EPHB1: variants seen among roughly 807,000 people sequenced by gnomAD.
The protein encoded by EPHB1 is EPH receptor B1.
In EPHB1, 30 loss-of-function variants were observed where a neutral mutation model predicts 94.4. The observed-to-expected ratio is 0.32, with a 90% CI of 0.24 to 0.43. The LOEUF (loss-of-function observed/expected upper bound fraction) is 0.43, where lower values mean the gene tolerates loss of function less well. EPHB1 is among the 20% of genes least tolerant of loss of function. EPHB1 has a pLI of 1.00. For synonymous variants in EPHB1, 522 were observed against 489.1 expected (o/e 1.07, Z -0.89); for missense variants, 1,055 against 1,308.3 (o/e 0.81, Z 2.99).
intron 3 of EPHB1, among the ~76,000 whole-genome samples, chr3:134,982,709 G>A (rs74840272): frequency 4.3e-4 from 66 of 152,194 alleles, no homozygotes; most frequent in African/African-American, 1.3e-3. Flanking sequence ...ATCACAGCTC[G>A]AAGAAACTGG....
chr3:135,018,974 T>C lies in EPHB1; in HGVS notation c.805+66922T>C, dbSNP rs1935898899. On this transcript the variant is annotated intron_variant, in intron 3 of 15. Coordinates refer to ENST00000398015, the MANE Select transcript of EPHB1 (RefSeq NM_004441.5). ...GCTGAGGCTGTGCCTTGGAGAGGCA[T>C]GAGGCAGAGAGGACAGGGGAGAGAG... 2.0e-5 allele frequency among the ~76,000 whole-genome samples: 3 copies of C among 151,752 alleles called. 1 individual carries two copies. The highest frequency in any genetic ancestry group is 4.4e-4 in the South Asian group (2 of 4,546).
chr3:134,967,116 A>T (rs1204118523), intron 3 of EPHB1, among the ~76,000 whole-genome samples: 1 of 152,220 alleles, frequency 6.6e-6, no homozygotes, highest in Non-Finnish European at 1.5e-5. Context: ...TCCTCTAGAG[A>T]TGCATTTTCT....
chr3:135,031,039 C>G (rs1292621770), intron 3 of EPHB1, among the ~76,000 whole-genome samples: 1 of 152,180 alleles, frequency 6.6e-6, no homozygotes, highest in African/African-American at 2.4e-5. Flanking sequence ...CTCCCTGACC[C>G]CTTGCGCTTC....
intron 13 of EPHB1, among the ~76,000 whole-genome samples, chr3:135,246,143 G>A (rs780882011): frequency 4.6e-5 from 7 of 152,120 alleles, no homozygotes; most frequent in Non-Finnish European, 1.0e-4. Context: ...GGACCACCAG[G>A]AACATTAACT....
rs3772645 is a variant in EPHB1, at chr3:135,149,592, G to A, written c.1298-4560G>A. Reference sequence around the variant, plus strand: ...AAGAGGTGACATTTGCCCTTGGAGAGGGAAAAACCAAATTCATCACTGCAG... The same window carrying A: ...AAGAGGTGACATTTGCCCTTGGAGAAGGAAAAACCAAATTCATCACTGCAG... On this transcript the variant is annotated intron_variant, in intron 5 of 15. Coordinates refer to ENST00000398015, the MANE Select transcript of EPHB1 (RefSeq NM_004441.5). Among the ~76,000 whole-genome samples the A allele has an allele frequency of 2.5e-4, 38 of 152,322 alleles. 1 individual carries two copies. In the East Asian group the frequency reaches 7.3e-3, roughly 29 times the overall value.
intron 3 of EPHB1, among the ~76,000 whole-genome samples, chr3:135,087,411 G>A (rs1359868521): frequency 6.6e-6 from 1 of 152,098 alleles, no homozygotes; most frequent in African/African-American, 2.4e-5. Flanking sequence ...TGTTACATGT[G>A]GAAATGGTAA....
intron 1 of EPHB1, among the ~76,000 whole-genome samples, chr3:134,880,714 G>T (rs905277276): frequency 6.6e-6 from 1 of 152,224 alleles, no homozygotes; most frequent in African/African-American, 2.4e-5. Flanking sequence ...GCCAATGCTT[G>T]GGCAGAGCGG....
intron 1 of EPHB1, among the ~76,000 whole-genome samples, chr3:134,872,560 T>C (rs1380414351): frequency 6.6e-6 from 1 of 152,172 alleles, no homozygotes; most frequent in African/African-American, 2.4e-5. Context: ...TTCCAATAAA[T>C]AAAGCAAAGC....
intron 1 of EPHB1, among the ~76,000 whole-genome samples, chr3:134,836,092 G>C (rs1482783709): frequency 6.6e-6 from 1 of 152,200 alleles, no homozygotes; most frequent in Non-Finnish European, 1.5e-5. Context: ...GAGAGGGAGA[G>C]GATGGGCCCT....
At chr3:135,132,312 TC>T (rs1315888977) in intron 4 of EPHB1, among the ~76,000 whole-genome samples, 1 of 136,746 alleles carries the variant, frequency 7.3e-6, no homozygotes, top group African/African-American at 3.4e-5. Context: ...CTCATATCCT[TC>T]TACCCTTGAG....
In EPHB1 at chr3:134,803,280, TG is replaced by T. The variant is rs200200477; in HGVS notation, c.58+7592del. On this transcript the variant is annotated intron_variant, in intron 1 of 15. Coordinates refer to ENST00000398015, the MANE Select transcript of EPHB1 (RefSeq NM_004441.5). ...CTGTTTGAATTTAACCTCCTTGCTC[TG>T]CTTCTCCATTTCCCTGTGAAGGTGA... Among the ~76,000 whole-genome samples, 42 of 152,338 alleles carry T rather than the reference TG, an allele frequency of 2.8e-4. No individual in the cohort carries two copies. In the East Asian group the frequency reaches 7.9e-3, roughly 29 times the overall value.
intron 12 of EPHB1, among the ~76,000 whole-genome samples, chr3:135,233,248 A>G (rs1943573799): frequency 6.6e-6 from 1 of 152,260 alleles, no homozygotes; most frequent in Non-Finnish European, 1.5e-5. Context: ...CTTCCTAGTT[A>G]CAATGGGGGT....
At chr3:134,814,532 A>G (rs2036232264) in intron 1 of EPHB1, among the ~76,000 whole-genome samples, 3 of 152,250 alleles carry the variant, frequency 2.0e-5, no homozygotes, top group Admixed American at 2.0e-4. Context: ...GGAGGTACCT[A>G]TTGAAGGTAT....
chr3:134,949,011 T>G (rs569460870), intron 2 of EPHB1, among the ~76,000 whole-genome samples: 3 of 152,182 alleles, frequency 2.0e-5, no homozygotes, highest in Non-Finnish European at 2.9e-5. Flanking sequence ...GGGATGTTAG[T>G]CTTTGGCATT....
chr3:134,799,246 A>C (rs2035889604), intron 1 of EPHB1, among the ~76,000 whole-genome samples: 1 of 152,222 alleles, frequency 6.6e-6, no homozygotes, highest in Non-Finnish European at 1.5e-5. Flanking sequence ...CGTGTCTTCA[A>C]CAGGCCACAA....
At chr3:134,888,339 G>T (rs1040138445) in intron 1 of EPHB1, among the ~76,000 whole-genome samples, 1 of 152,204 alleles carries the variant, frequency 6.6e-6, no homozygotes, top group African/African-American at 2.4e-5. Context: ...GATTCCTGTA[G>T]GGCAGCTGAG....
chr3:135,011,458 T>C (rs1407566095), intron 3 of EPHB1, among the ~76,000 whole-genome samples: 1 of 152,212 alleles, frequency 6.6e-6, no homozygotes. Context: ...TTTTCTGTTA[T>C]ATTTGTTGGT....
At chr3:134,943,757 T>C (rs2039165557) in intron 2 of EPHB1, among the ~76,000 whole-genome samples, 1 of 152,150 alleles carries the variant, frequency 6.6e-6, no homozygotes. Context: ...TTTGATTGAA[T>C]GAATGATTGG....
intron 3 of EPHB1, among the ~76,000 whole-genome samples, chr3:134,975,328 G>A (rs1934142487): frequency 6.6e-6 from 1 of 152,158 alleles, no homozygotes; most frequent in Non-Finnish European, 1.5e-5. Context: ...GCAGGGCAGG[G>A]GATGCAGAAC....
Sources: gnomAD v4.1 joint callset for allele counts (sites outside exome capture counted in the v4.1 genomes callset) on GRCh38, gnomAD v4.1.1 for gene constraint, MANE v1.5 for transcripts, NCBI Gene and HGNC (gene_info 2026-07-23, HGNC 2026-07-21) for gene names.